FUCA1: variants seen among roughly 807,000 people sequenced by gnomAD.
The protein encoded by FUCA1 is tissue alpha-L-fucosidase.
FUCA1 carries 52 observed loss-of-function variants against 56.8 expected under a neutral mutation model. That is an observed-to-expected ratio of 0.92 (90% CI 0.73 to 1.15). FUCA1 has a LOEUF of 1.15. Ranked by LOEUF, FUCA1 falls within the 50% of genes most tolerant of loss-of-function variation. FUCA1 has a pLI of 0.00. For synonymous variants in FUCA1, 230 were observed against 226.6 expected, an observed-to-expected ratio of 1.02 and a Z score of -0.14; for missense variants, 568 against 592.6, an observed-to-expected ratio of 0.96 and a Z score of 0.43.
rs530854024 is a variant in FUCA1, at chr1:23,868,253, C to T, written c.34G>A (p.Gly12Ser). ...AGCAGCAGCAGCAACAGCGCGGGAC[C>T]CGCCGGCCGCGACCTCATCCCCGGA... ...RAPGMRSRPA[G>S]PALLLLLLFL... The change falls in exon 1 of 8, where the codon GGT becomes AGT. Residue 12 changes from glycine (G) to serine (S), a missense_variant. Physicochemically the swap from Gly to Ser is moderately conservative, Grantham distance 56. Transcript: ENST00000374479. The T allele has an allele frequency of 6.4e-6, 10 of 1,558,666 alleles. No homozygotes were observed. The highest frequency in any genetic ancestry group is 2.7e-5 in the African/African-American group (2 of 73,536).
At chr1:23,852,597 T>A (rs1405908120) in intron 5 of FUCA1, among the ~76,000 whole-genome samples, 1 of 152,114 alleles carries the variant, frequency 6.6e-6, no homozygotes, top group Non-Finnish European at 1.5e-5. Context: ...TGCCTCAGCC[T>A]GCCGAGTGCC....
At position 23,845,813 on chromosome 1, in the gene FUCA1, C is replaced by T; in HGVS notation, c.1303G>A (p.Asp435Asn). 1.2e-6 allele frequency: 2 copies of T among 1,614,124 alleles called. No individual in the cohort carries two copies. Among genetic ancestry groups the T allele is most frequent in the East Asian group, 4.5e-5 (2 of 44,888 alleles). The change falls in exon 8 of 8, where the codon GAT (aspartate) becomes AAT (asparagine). Residue 435 changes from aspartate (D) to asparagine (N), a missense_variant. Asp to Asn is a conservative substitution (Grantham distance 23). Transcript: ENST00000374479. ...GAGATGAAGAGACCTTTATCTGGATCTGTGGACCACTTCAGATCTCCTTGA... is the reference window on the plus strand; with the variant it reads ...GAGATGAAGAGACCTTTATCTGGATTTGTGGACCACTTCAGATCTCCTTGA... ...GIQGDLKWST[D>N]PDKGLFISLP... is the part of the protein sequence containing the mutation.
In FUCA1 at chr1:23,867,882, C is replaced by G. The variant is rs987884611; in HGVS notation, c.389+16G>C. On this transcript the variant is annotated intron_variant, in intron 1 of 7. Transcript: ENST00000374479. The surrounding 1 kb of genome is among the most constrained non-coding windows in gnomAD (Gnocchi z 4.9). Reference sequence around the variant, plus strand: ...CCGAGCCGGGAAGGGGCGCCGCTCCCCGGGACCACACTCACTTGGCGCCCG... The same window carrying G: ...CCGAGCCGGGAAGGGGCGCCGCTCCGCGGGACCACACTCACTTGGCGCCCG... 1.9e-6 allele frequency: 3 copies of G among 1,541,554 alleles called. No homozygotes were observed. In the African/African-American group the frequency reaches 4.1e-5, roughly 21 times the overall value.
At chr1:23,865,790 A>G (rs1314551756) in intron 1 of FUCA1, among the ~76,000 whole-genome samples, 165 bp from the exon 2 acceptor site, 1 of 152,198 alleles carries the variant, frequency 6.6e-6, no homozygotes, top group Non-Finnish European at 1.5e-5. Context: ...TGCAGTCACA[A>G]TTCCCCTTGG....
At chr1:23,853,028 G>T (rs1231624887) in intron 5 of FUCA1, among the ~76,000 whole-genome samples, 22 of 149,006 alleles carry the variant, frequency 1.5e-4, no homozygotes, top group African/African-American at 5.0e-4. Flanking sequence ...TCTAGGAAGT[G>T]AGGAGCACCT....
Position 23,854,054 on chromosome 1 carries a change from G to T in FUCA1, c.969+306C>A, listed in dbSNP as rs544799677. ...CCCTCTGTGAGAAACACCCAAGAAT[G>T]ATCAATAAAGAATAAATAAATAAAT... On this transcript the variant is annotated intron_variant, in intron 5 of 7. Transcript: ENST00000374479. 2.6e-4 allele frequency among the ~76,000 whole-genome samples: 39 copies of T among 149,956 alleles called. 1 individual carries two copies. The South Asian group carries it at 7.7e-3, about 30-fold the overall frequency.
chr1:23,846,927 C>A (rs893917981), intron 6 of FUCA1, among the ~76,000 whole-genome samples: 7 of 151,922 alleles, frequency 4.6e-5, no homozygotes, highest in Admixed American at 2.6e-4. Context: ...TGTTGCCCAA[C>A]ACAACTTGCT....
At chr1:23,852,900 C>G (rs1412643805) in intron 5 of FUCA1, among the ~76,000 whole-genome samples, 1 of 151,632 alleles carries the variant, frequency 6.6e-6, no homozygotes, top group Non-Finnish European at 1.5e-5. Flanking sequence ...GCCGCCACCC[C>G]GTCTGGGAAG....
At chr1:23,856,377 C>T (rs1308677608) in intron 4 of FUCA1, among the ~76,000 whole-genome samples, 1 of 152,166 alleles carries the variant, frequency 6.6e-6, no homozygotes, top group African/African-American at 2.4e-5. Flanking sequence ...GAAGCTAATG[C>T]AGTACCCTCC....
Position 23,863,093 on chromosome 1 carries a change from A to G in FUCA1, c.662+41T>C. ...GTACCCTATAGGAAGCTCTGATTTCATTGATAAAAGTCATAGGGCCAAAAT... is the reference window on the plus strand; with the variant it reads ...GTACCCTATAGGAAGCTCTGATTTCGTTGATAAAAGTCATAGGGCCAAAAT... On this transcript the variant is annotated intron_variant, in intron 3 of 7. Transcript: ENST00000374479. 1.9e-6 allele frequency: 3 copies of G among 1,609,268 alleles called. No individual in the cohort carries two copies. In the South Asian group the frequency reaches 3.3e-5, roughly 18 times the overall value.
chr1:23,853,539 A>C (rs1407581781), intron 5 of FUCA1, among the ~76,000 whole-genome samples: 1 of 148,864 alleles, frequency 6.7e-6, no homozygotes, highest in East Asian at 2.0e-4. Context: ...CCCTCTGCCC[A>C]GCCACCACCC....
chr1:23,846,065 C>A lies in FUCA1; in HGVS notation c.1260+9G>T. ...AAGTTACATCTTAAGACTGACTAAG[C>A]CTCTTTACCTTTGTAGTTGAGGTAG... On this transcript the variant is annotated intron_variant, in intron 7 of 7. Coordinates refer to ENST00000374479, the MANE Select transcript of FUCA1 (RefSeq NM_000147.5). 2 of 1,600,168 alleles carry A rather than the reference C, an allele frequency of 1.2e-6. No individual in the cohort carries two copies. Among genetic ancestry groups the A allele is most frequent in the South Asian group, 2.2e-5 (2 of 90,814 alleles).
intron 4 of FUCA1, among the ~76,000 whole-genome samples, chr1:23,856,740 C>T (rs955195126): frequency 6.6e-6 from 1 of 152,064 alleles, no homozygotes; most frequent in African/African-American, 2.4e-5. Context: ...GCCTGTAATC[C>T]CAGCACTTTG....
chr1:23,852,325 G>A (rs1398537688), intron 5 of FUCA1, among the ~76,000 whole-genome samples: 5 of 152,106 alleles, frequency 3.3e-5, no homozygotes, highest in South Asian at 4.2e-4. Flanking sequence ...GGAGGCTGAG[G>A]TGGGAGGACC....
At chr1:23,861,322 CAAAA>C (rs34240712) in intron 3 of FUCA1, among the ~76,000 whole-genome samples, 2 of 60,510 alleles carry the variant, frequency 3.3e-5, no homozygotes, top group Non-Finnish European at 6.4e-5. Flanking sequence ...GACTCCGTCT[CAAAA>C]AAAAAAAAAA....
intron 4 of FUCA1, among the ~76,000 whole-genome samples, chr1:23,856,704 G>A (rs1639397539): frequency 6.6e-6 from 1 of 152,130 alleles, no homozygotes; most frequent in South Asian, 2.1e-4. Flanking sequence ...TTGTTTAAGA[G>A]AGGCCGGCCG....
At chr1:23,865,158 C>A (rs1265623088) in intron 2 of FUCA1, among the ~76,000 whole-genome samples, 4 of 152,162 alleles carry the variant, frequency 2.6e-5, no homozygotes, top group African/African-American at 9.7e-5. Context: ...TATACAGACA[C>A]TCAGCCTACT....
intron 6 of FUCA1, among the ~76,000 whole-genome samples, chr1:23,848,437 T>C (rs1402470870): frequency 6.6e-6 from 1 of 152,078 alleles, no homozygotes; most frequent in Admixed American, 6.5e-5. Flanking sequence ...TCCTTCCCTT[T>C]TCACCAAACC....
chr1:23,860,457 GCCT>G (rs1639483054), intron 3 of FUCA1, among the ~76,000 whole-genome samples: 1 of 151,578 alleles, frequency 6.6e-6, no homozygotes, highest in Non-Finnish European at 1.5e-5. Context: ...GGTGGTGGGC[GCCT>G]GTATTCCCAG....
Sources: gnomAD v4.1 joint callset for allele counts (sites outside exome capture counted in the v4.1 genomes callset) on GRCh38, gnomAD v4.1.1 for gene constraint, Gnocchi (gnomAD v3.1) non-coding constraint, MANE v1.5 for transcripts, NCBI Gene and HGNC (gene_info 2026-07-23, HGNC 2026-07-21) for gene names.